Variants in TASP1 observed in about 807,000 individuals in gnomAD.
TASP1 encodes the protein taspase 1.
A neutral mutation model predicts 56.6 loss-of-function variants in TASP1; 16 were observed. That is an observed-to-expected ratio of 0.28 (90% CI 0.19 to 0.43). The LOEUF (loss-of-function observed/expected upper bound fraction) is 0.43. Among genes scored for constraint, TASP1 ranks in the 20% least tolerant of loss-of-function variants. The pLI is 1.00. For synonymous variants in TASP1, 179 were observed against 184.2 expected (o/e 0.97, Z 0.23); for missense variants, 393 against 511.6 (o/e 0.77, Z 2.24).
At chr20:13,378,054 T>C in the TASP1 span, among the ~76,000 whole-genome samples, 4 of 152,186 alleles carry the variant, frequency 2.6e-5, no homozygotes, top group Non-Finnish European at 5.9e-5. Context: ...TTTTGAAGGA[T>C]TTTTCGTGTC....
At chr20:13,180,939 T>C in the TASP1 span, among the ~76,000 whole-genome samples, 2 of 152,348 alleles carry the variant, frequency 1.3e-5, no homozygotes, top group Admixed American at 6.5e-5. Flanking sequence ...AAAAGAGTCA[T>C]GACATCCTTG....
Position 13,559,906 on chromosome 20 carries a change from C to G in TASP1, c.569-792G>C, listed in dbSNP as rs116472170. ...ATAAACTACCAAGAATAAAAGCCAG[C>G]CGAATATCAGAAAGCATAACCTGAC... is the stretch of plus-strand genomic sequence containing the variant. On this transcript the variant is annotated intron_variant, in intron 7 of 13. Coordinates refer to ENST00000337743, the MANE Select transcript of TASP1 (RefSeq NM_017714.3). 4.6e-3 allele frequency among the ~76,000 whole-genome samples: 704 copies of G among 152,136 alleles called. 4 individuals carry two copies. Among genetic ancestry groups the G allele is most frequent in the African/African-American group, 0.015 (629 of 41,484 alleles).
chr20:13,192,594 T>G, the TASP1 span, among the ~76,000 whole-genome samples: 1 of 151,992 alleles, frequency 6.6e-6, no homozygotes, highest in Non-Finnish European at 1.5e-5. Flanking sequence ...AGTTCAGTGG[T>G]GCAATCACAG....
At chr20:13,449,744 A>AACTCTAGACAACTTACAATTTCTAG in intron 11 of TASP1, among the ~76,000 whole-genome samples, 1 of 152,150 alleles carries the variant, frequency 6.6e-6, no homozygotes, top group South Asian at 2.1e-4. Flanking sequence ...GTGAACTTAC[A>AACTCTAGACAACTTACAATTTCTAG]ACTCTAGGTC....
At chr20:13,541,110 TA>T (rs774443433) in intron 8 of TASP1, among the ~76,000 whole-genome samples, 27 of 151,886 alleles carry the variant, frequency 1.8e-4, no homozygotes, top group Non-Finnish European at 2.8e-4. Context: ...ATAGACAAAA[TA>T]AAAGAGAGAA....
At chr20:13,205,807 G>C in the TASP1 span, among the ~76,000 whole-genome samples, 8 of 152,222 alleles carry the variant, frequency 5.3e-5, no homozygotes, top group African/African-American at 9.6e-5. Flanking sequence ...TGAGAGGGAA[G>C]GAGCCAGGAC....
At chr20:13,192,372 A>G in the TASP1 span, among the ~76,000 whole-genome samples, 1 of 152,132 alleles carries the variant, frequency 6.6e-6, no homozygotes, top group Non-Finnish European at 1.5e-5. Context: ...CCCCATGTCA[A>G]AAGTGTTTTT....
the TASP1 span, among the ~76,000 whole-genome samples, chr20:13,322,192 A>G: frequency 6.6e-6 from 1 of 152,228 alleles, no homozygotes; most frequent in South Asian, 2.1e-4. Flanking sequence ...GATGACTTCC[A>G]ATTTGACAGC....
At chr20:13,342,851 G>A in the TASP1 span, among the ~76,000 whole-genome samples, 1 of 152,154 alleles carries the variant, frequency 6.6e-6, no homozygotes, top group Non-Finnish European at 1.5e-5. Context: ...TGTAGAGGAT[G>A]GGTCCTTATC....
intron 2 of TASP1, among the ~76,000 whole-genome samples, chr20:13,626,979 C>G (rs1204755075): frequency 2.0e-5 from 3 of 146,688 alleles, no homozygotes; most frequent in Non-Finnish European, 4.5e-5. Context: ...AAGGCAGGCT[C>G]AGGATCCAAG....
Position 13,511,861 on chromosome 20 carries a change from T to C in TASP1, c.874+16572A>G, listed in dbSNP as rs141066819. Among the ~76,000 whole-genome samples, 767 of 151,202 alleles carry C rather than the reference T, an allele frequency of 5.1e-3. 4 individuals are homozygous for C. The highest frequency in any genetic ancestry group is 0.012 in the East Asian group (60 of 5,084). On this transcript the variant is annotated intron_variant, in intron 10 of 13. Transcript: ENST00000337743. Reference sequence around the variant, plus strand: ...ATGAGTGAGAACATGAGGTGTTTGGTTTTTTGTCCTTGCGATAGTTTGCTG... The same window carrying C: ...ATGAGTGAGAACATGAGGTGTTTGGCTTTTTGTCCTTGCGATAGTTTGCTG...
chr20:13,635,175 T>C (rs2049254452), intron 1 of TASP1, among the ~76,000 whole-genome samples: 1 of 152,196 alleles, frequency 6.6e-6, no homozygotes, highest in Non-Finnish European at 1.5e-5. Context: ...ACTGATCTTA[T>C]TAAGCTGTTC....
chr20:13,230,229 A>T, the TASP1 span, among the ~76,000 whole-genome samples: 1 of 152,176 alleles, frequency 6.6e-6, no homozygotes. Flanking sequence ...TAATATCAGA[A>T]CATTTTTCCT....
At chr20:13,501,314 G>T (rs2043937790) in intron 10 of TASP1, among the ~76,000 whole-genome samples, 1 of 151,924 alleles carries the variant, frequency 6.6e-6, no homozygotes, top group Non-Finnish European at 1.5e-5. Context: ...CATTCAGTAA[G>T]TTTAAAAGTA....
the TASP1 span, among the ~76,000 whole-genome samples, chr20:13,284,744 A>T: frequency 6.6e-6 from 1 of 152,180 alleles, no homozygotes; most frequent in Non-Finnish European, 1.5e-5. Flanking sequence ...AGGCAGTTTC[A>T]CTTCACTGTC....
intron 2 of TASP1, among the ~76,000 whole-genome samples, chr20:13,628,576 G>A (rs1177970677): frequency 1.3e-5 from 2 of 152,034 alleles, no homozygotes; most frequent in South Asian, 2.1e-4. Context: ...AAGGCTTCTC[G>A]GGTTGTCCAG....
chr20:13,466,069 T>C (rs1174925580), intron 11 of TASP1, among the ~76,000 whole-genome samples: 1 of 152,180 alleles, frequency 6.6e-6, no homozygotes, highest in Admixed American at 6.5e-5. Context: ...AGCCTAGTTG[T>C]GACATTCTAT....
intron 7 of TASP1, among the ~76,000 whole-genome samples, chr20:13,564,990 G>C (rs2046468896): frequency 7.4e-6 from 1 of 135,042 alleles, no homozygotes; most frequent in African/African-American, 2.8e-5. Flanking sequence ...CTGGGCAACA[G>C]AGTAAGACTC....
the TASP1 span, among the ~76,000 whole-genome samples, chr20:13,177,256 A>G: frequency 2.0e-5 from 3 of 152,030 alleles, no homozygotes; most frequent in African/African-American, 7.2e-5. Flanking sequence ...GAAAAAAAAA[A>G]GGAAAGAAAT....
Sources: gnomAD v4.1 joint callset for allele counts (sites outside exome capture counted in the v4.1 genomes callset) on GRCh38, gnomAD v4.1.1 for gene constraint, MANE v1.5 for transcripts, NCBI Gene and HGNC (gene_info 2026-07-23, HGNC 2026-07-21) for gene names.